Variants in DLC1 observed in about 807,000 individuals in gnomAD.
DLC1 encodes the protein rho GTPase-activating protein 7.
A neutral mutation model predicts 140.3 loss-of-function variants in DLC1; 54 were observed. That is an observed-to-expected ratio of 0.38 (90% CI 0.31 to 0.48). DLC1 has a LOEUF of 0.48. Among genes scored for constraint, DLC1 ranks in the 20% least tolerant of loss-of-function variants. The pLI, the probability that DLC1 is intolerant of heterozygous loss-of-function variation, is 0.96. For synonymous variants in DLC1, 986 were observed against 728.1 expected, an observed-to-expected ratio of 1.35 and a Z score of -5.70; for missense variants, 2,536 against 1,907.0, an observed-to-expected ratio of 1.33 and a Z score of -6.14.
At chr8:13,479,889 A>AGAAGAAGAGAAAAAG (rs1800636767) in intron 2 of DLC1, among the ~76,000 whole-genome samples, 1 of 145,462 alleles carries the variant, frequency 6.9e-6, no homozygotes, top group Non-Finnish European at 1.5e-5. Flanking sequence ...GAAAGAAAGA[A>AGAAGAAGAGAAAAAG]AAAGAAAGAA....
intron 2 of DLC1, among the ~76,000 whole-genome samples, chr8:13,438,022 C>G (rs1435457650): frequency 7.0e-6 from 1 of 142,328 alleles, no homozygotes; most frequent in Non-Finnish European, 1.5e-5. Flanking sequence ...TGATCTACCT[C>G]TTTTTTTTTT....
rs191756632 is a variant in DLC1, at chr8:13,378,489, T to A, written c.1314+15064A>T. Among the ~76,000 whole-genome samples, 28 of 152,184 alleles carry A rather than the reference T, an allele frequency of 1.8e-4. No homozygotes were observed. The East Asian group carries it at 5.2e-3, about 28-fold the overall frequency. On this transcript the variant is annotated intron_variant, in intron 4 of 17. Transcript: ENST00000276297. ...ATCTGTATTGGGTGAAGGAACATTC[T>A]TGTGCACTATAAATTACATGGTATA...
chr8:13,127,846 G>C (rs992371739), intron 5 of DLC1, among the ~76,000 whole-genome samples: 21 of 152,340 alleles, frequency 1.4e-4, no homozygotes, highest in Admixed American at 1.2e-3. Flanking sequence ...CTCAAAGGTG[G>C]GGCAGGGCAG....
intron 5 of DLC1, among the ~76,000 whole-genome samples, chr8:13,264,633 CG>C (rs1830612091): frequency 6.6e-6 from 1 of 151,964 alleles, no homozygotes; most frequent in South Asian, 2.1e-4. Context: ...GGGGCACACA[CG>C]GGGCTGTAAC....
chr8:13,578,968 A>C (rs374568809), intron 1 of DLC1, among the ~76,000 whole-genome samples: 1 of 151,720 alleles, frequency 6.6e-6, no homozygotes, highest in African/African-American at 2.4e-5. Flanking sequence ...CCAACGTTTT[A>C]TTACAGGTTG....
intron 1 of DLC1, chr8:13,559,520 T>C (rs552844571): frequency 2.0e-5 from 3 of 152,332 alleles, no homozygotes; most frequent in South Asian, 4.1e-4. Context: ...GAAAGATTCA[T>C]CTCAAATAAA....
At chr8:13,227,742 A>G (rs1202044812) in intron 5 of DLC1, among the ~76,000 whole-genome samples, 1 of 152,232 alleles carries the variant, frequency 6.6e-6, no homozygotes, top group African/African-American at 2.4e-5. Flanking sequence ...TCCTGATGTC[A>G]TGTAATTATA....
At chr8:13,123,015 C>G (rs1034991112) in intron 5 of DLC1, among the ~76,000 whole-genome samples, 16 of 152,138 alleles carry the variant, frequency 1.1e-4, no homozygotes, top group African/African-American at 3.9e-4. Flanking sequence ...CAGGGAAAAT[C>G]AAAGACACAA....
At chr8:13,523,908 T>C (rs547628543) in intron 1 of DLC1, among the ~76,000 whole-genome samples, 1 of 151,580 alleles carries the variant, frequency 6.6e-6, no homozygotes, top group East Asian at 1.9e-4. Context: ...GGAGAAAGTA[T>C]AGAAATGTTG....
intron 1 of DLC1, among the ~76,000 whole-genome samples, chr8:13,599,543 A>G (rs1045412479): frequency 2.0e-5 from 3 of 152,052 alleles, no homozygotes; most frequent in Non-Finnish European, 4.4e-5. Context: ...CCCAATGAAG[A>G]AGGCATGAAC....
intron 5 of DLC1, among the ~76,000 whole-genome samples, chr8:13,123,137 T>C (rs1400051178): frequency 6.6e-6 from 1 of 152,164 alleles, no homozygotes; most frequent in African/African-American, 2.4e-5. Context: ...CTAAGGGCTA[T>C]TGCAAGGTCC....
chr8:13,315,696 C>T (rs565545107), intron 4 of DLC1, among the ~76,000 whole-genome samples: 1 of 152,298 alleles, frequency 6.6e-6, no homozygotes, highest in African/African-American at 2.4e-5. Context: ...CCATTTGCTG[C>T]CCATCCCCCT....
intron 5 of DLC1, among the ~76,000 whole-genome samples, chr8:13,296,231 C>T (rs571413867): frequency 2.0e-5 from 3 of 152,210 alleles, no homozygotes; most frequent in African/African-American, 4.8e-5. Flanking sequence ...GCTGTAATTA[C>T]AGTCGTGAGC....
intron 5 of DLC1, among the ~76,000 whole-genome samples, chr8:13,133,725 T>A (rs1822338340): frequency 6.6e-6 from 1 of 151,948 alleles, no homozygotes. Flanking sequence ...GCCTTGAGCG[T>A]CCCTTCTTTT....
intron 5 of DLC1, among the ~76,000 whole-genome samples, chr8:13,247,776 A>G (rs1829827994): frequency 6.6e-6 from 1 of 152,204 alleles, no homozygotes; most frequent in Non-Finnish European, 1.5e-5. Context: ...TTCCAGGCTG[A>G]TTATCATAGA....
intron 4 of DLC1, among the ~76,000 whole-genome samples, chr8:13,310,426 G>A (rs955255249): frequency 3.3e-5 from 5 of 152,110 alleles, no homozygotes; most frequent in African/African-American, 1.2e-4. Flanking sequence ...AAAAATTGCA[G>A]ATAAATTCCA....
At chr8:13,401,705 A>T in intron 2 of DLC1, 86 bp from the exon 3 acceptor site, 1 of 1,507,224 alleles carries the variant, frequency 6.6e-7, no homozygotes, top group Admixed American at 2.0e-5. Flanking sequence ...ATGTGACAAA[A>T]AGTACACTGG....
chr8:13,099,854 G>A lies in DLC1; in HGVS notation c.2483C>T (p.Ser828Phe). 6.2e-7 allele frequency: 1 copy of A among 1,614,240 alleles called. No individual in the cohort carries two copies. The highest frequency in any genetic ancestry group is 8.5e-7 in the Non-Finnish European group (1 of 1,180,046). Residue 828 changes from serine (S) to phenylalanine (F), a missense_variant, in exon 9 of 18, where the codon TCC (serine) becomes TTC (phenylalanine). By Grantham distance (155) the Ser-to-Phe change is radical. Transcript: ENST00000276297. ...FPKALTNGSF[S>F]PSGNNGSVNW... Reference sequence around the variant, plus strand: ...CACAGAGCCGTTATTCCCCGAGGGGGAGAAACTGCCATTGGTGAGAGCTTT... The same window carrying A: ...CACAGAGCCGTTATTCCCCGAGGGGAAGAAACTGCCATTGGTGAGAGCTTT...
At chr8:13,221,369 CT>C (rs113799968) in intron 5 of DLC1, among the ~76,000 whole-genome samples, 11,252 of 141,232 alleles carry the variant, frequency 0.08, 997 homozygotes, top group African/African-American at 0.23. Context: ...GTTTTCTTTT[CT>C]TTTTTTTTTT....
Sources: gnomAD v4.1 joint callset for allele counts (sites outside exome capture counted in the v4.1 genomes callset) on GRCh38, gnomAD v4.1.1 for gene constraint, MANE v1.5 for transcripts, NCBI Gene and HGNC (gene_info 2026-07-23, HGNC 2026-07-21) for gene names.